The following KIF16B variants were observed in gnomAD, a reference collection of about 807,000 sequenced individuals.
KIF16B encodes the protein kinesin family member 16B, also known as kinesin-like protein KIF16B.
Under a neutral mutation model 156.3 loss-of-function variants are expected in KIF16B, and 98 were observed. That is an observed-to-expected ratio of 0.63 (90% CI 0.53 to 0.74). The LOEUF is 0.74. Ranked by LOEUF, KIF16B falls within the 30% of genes least tolerant of loss-of-function variation. KIF16B has a pLI of 0.00. For missense variants in KIF16B, 1,421 were observed against 1,606.5 expected (o/e 0.88, Z 1.97); for synonymous variants, 564 against 583.7 (o/e 0.97, Z 0.49).
intron 23 of KIF16B, among the ~76,000 whole-genome samples, chr20:16,338,544 G>C (rs1356648437): frequency 6.6e-6 from 1 of 152,076 alleles, no homozygotes; most frequent in African/African-American, 2.4e-5. Flanking sequence ...TTTTACCTCT[G>C]CCCTGGTTTC....
intron 25 of KIF16B, among the ~76,000 whole-genome samples, chr20:16,306,441 C>T (rs1204858373): frequency 2.0e-5 from 3 of 152,090 alleles, no homozygotes; most frequent in African/African-American, 7.2e-5. Context: ...TCGTTTTGGA[C>T]AACAGCTCCA....
intron 4 of KIF16B, among the ~76,000 whole-genome samples, chr20:16,514,274 G>A (rs6044044): frequency 0.24 from 36,210 of 151,902 alleles, 4,953 homozygotes; most frequent in East Asian, 0.36. Context: ...TGAAACTCTC[G>A]AAATTAGCTG....
chr20:16,505,488 C>A (rs901858314), intron 9 of KIF16B, among the ~76,000 whole-genome samples: 1 of 152,150 alleles, frequency 6.6e-6, no homozygotes, highest in Non-Finnish European at 1.5e-5. Context: ...GAAAAGTCTT[C>A]GTGCATGTTA....
chr20:16,562,506 C>T (rs1304446062), intron 1 of KIF16B, among the ~76,000 whole-genome samples: 1 of 152,242 alleles, frequency 6.6e-6, no homozygotes, highest in African/African-American at 2.4e-5. Flanking sequence ...ATGCAACAAA[C>T]GCCGTGACTA....
intron 24 of KIF16B, among the ~76,000 whole-genome samples, chr20:16,332,216 A>G (rs1484834545): frequency 6.6e-6 from 1 of 152,160 alleles, no homozygotes; most frequent in Non-Finnish European, 1.5e-5. Context: ...ATTGTTTGAT[A>G]CAAGGCAAGT....
chr20:16,341,990 G>A (rs1414973628), intron 23 of KIF16B, among the ~76,000 whole-genome samples: 2 of 152,070 alleles, frequency 1.3e-5, no homozygotes, highest in Non-Finnish European at 2.9e-5. Context: ...TCTTCTGAAC[G>A]GCCTCCTCAA....
intron 1 of KIF16B, among the ~76,000 whole-genome samples, chr20:16,567,026 A>G (rs891922513): frequency 2.0e-5 from 3 of 152,170 alleles, no homozygotes; most frequent in Non-Finnish European, 4.4e-5. Flanking sequence ...CATTAGTGAA[A>G]TAAACATGTT....
intron 12 of KIF16B, among the ~76,000 whole-genome samples, chr20:16,438,124 G>A (rs1434303303): frequency 6.6e-6 from 1 of 152,010 alleles, no homozygotes; most frequent in African/African-American, 2.4e-5. Flanking sequence ...TCCAGCCTGG[G>A]TGACAAAGCA....
intron 12 of KIF16B, among the ~76,000 whole-genome samples, chr20:16,453,396 C>G (rs1281031959): frequency 6.6e-6 from 1 of 152,064 alleles, no homozygotes; most frequent in East Asian, 1.9e-4. Context: ...ATAAATTTCA[C>G]TATAAAAACT....
intron 25 of KIF16B, among the ~76,000 whole-genome samples, chr20:16,288,818 TAA>T (rs2063268798): frequency 6.6e-6 from 1 of 152,100 alleles, no homozygotes; most frequent in Non-Finnish European, 1.5e-5. Flanking sequence ...GTACTGGTGA[TAA>T]GGTTATTGGG....
chr20:16,413,103 A>G (rs2066000200), intron 15 of KIF16B, among the ~76,000 whole-genome samples: 1 of 152,092 alleles, frequency 6.6e-6, no homozygotes, highest in Admixed American at 6.6e-5. Context: ...ATTTGGTCTG[A>G]GGTCAGTGTG....
chr20:16,291,921 T>C (rs6080210), intron 25 of KIF16B, among the ~76,000 whole-genome samples: 62,438 of 152,016 alleles, frequency 0.41, 12,850 homozygotes, highest in Non-Finnish European at 0.42. Context: ...CAGCATTTAT[T>C]CAGAGAGCTC....
intron 12 of KIF16B, among the ~76,000 whole-genome samples, chr20:16,476,660 CTTAAAATTAGA>C (rs2067822027): frequency 6.6e-6 from 1 of 152,196 alleles, no homozygotes. Flanking sequence ...AATTTTACAT[CTTAAAATTAGA>C]TTCTAAAAGA....
chr20:16,276,778 T>A (rs1467016973), intron 25 of KIF16B, among the ~76,000 whole-genome samples: 1 of 152,224 alleles, frequency 6.6e-6, no homozygotes, highest in Admixed American at 6.5e-5. Flanking sequence ...CAGTGTCTCA[T>A]TCTTCTCTGA....
rs191612649 is a variant in KIF16B, at chr20:16,381,233, A to C, written c.1838+461T>G. On this transcript the variant is annotated intron_variant, in intron 18 of 25. Coordinates refer to ENST00000354981, the MANE Select transcript of KIF16B (RefSeq NM_024704.5). ...TACACAAAAGAAAAGTGAGCAAAGA[A>C]TAAGAAAAGCAAATTATACATGGGG... 2.5e-4 allele frequency among the ~76,000 whole-genome samples: 38 copies of C among 152,322 alleles called. No individual in the cohort carries two copies. In the East Asian group the frequency reaches 7.1e-3, roughly 29 times the overall value.
intron 22 of KIF16B, among the ~76,000 whole-genome samples, chr20:16,364,573 A>C (rs1319689698): frequency 6.6e-6 from 1 of 152,200 alleles, no homozygotes; most frequent in East Asian, 1.9e-4. Flanking sequence ...CAGCAGAGGG[A>C]GCTACTAGGA....
At chr20:16,413,346 G>GT (rs1373778750) in intron 15 of KIF16B, among the ~76,000 whole-genome samples, 4 of 152,080 alleles carry the variant, frequency 2.6e-5, no homozygotes, top group African/African-American at 9.7e-5. Flanking sequence ...AATATTTCAA[G>GT]TAAGCTGACA....
At chr20:16,438,683 C>T (rs1400033919) in intron 12 of KIF16B, among the ~76,000 whole-genome samples, 1 of 152,136 alleles carries the variant, frequency 6.6e-6, no homozygotes, top group African/African-American at 2.4e-5. Context: ...CACCATCCTG[C>T]CTTTCTCCTC....
chr20:16,545,282 G>A (rs1004899420), intron 1 of KIF16B, among the ~76,000 whole-genome samples: 4 of 151,960 alleles, frequency 2.6e-5, no homozygotes, highest in African/African-American at 4.8e-5. Context: ...TGTAATCCCA[G>A]TACTTTGGGA....
Sources: allele counts gnomAD v4.1 joint callset (sites outside exome capture counted in the v4.1 genomes callset), GRCh38; gene constraint gnomAD v4.1.1; transcripts MANE v1.5; gene names NCBI Gene and HGNC (gene_info 2026-07-23, HGNC 2026-07-21).